The following GABBR2 variants were observed in gnomAD, a reference collection of about 807,000 sequenced individuals.
GABBR2 encodes the protein G-protein coupled receptor 51.
GABBR2 carries 23 observed loss-of-function variants against 105.6 expected under a neutral mutation model. The ratio of observed to expected loss-of-function variants is 0.22; its 90% CI spans 0.16 to 0.31. The LOEUF is 0.31. GABBR2 is among the 10% of genes least tolerant of loss of function. The pLI, the probability that GABBR2 is intolerant of heterozygous loss-of-function variation, is 1.00. For missense variants in GABBR2, 734 were observed against 1,245.5 expected, an observed-to-expected ratio of 0.59 and a Z score of 6.18; for synonymous variants, 478 against 499.7, an observed-to-expected ratio of 0.96 and a Z score of 0.58.
intron 7 of GABBR2, among the ~76,000 whole-genome samples, chr9:98,429,121 GGTGTGT>G (rs56248488): frequency 3.8e-4 from 55 of 145,580 alleles, no homozygotes; most frequent in East Asian, 1.0e-3. Flanking sequence ...CCAGGTTTTT[GGTGTGT>G]GTGTGTGTGT....
At chr9:98,579,664 T>G (rs1031245304) in intron 1 of GABBR2, among the ~76,000 whole-genome samples, 4 of 152,192 alleles carry the variant, frequency 2.6e-5, no homozygotes, top group Non-Finnish European at 5.9e-5. Context: ...CATGTCAAAG[T>G]TTTATTTAAC....
chr9:98,700,319 T>A (rs1830813635), intron 1 of GABBR2, among the ~76,000 whole-genome samples: 1 of 152,112 alleles, frequency 6.6e-6, no homozygotes, highest in Admixed American at 6.5e-5. Flanking sequence ...GGAGATGCAA[T>A]CAGCTAATGG....
At chr9:98,618,486 A>ATATCTCTCTCTCTCTCTC in intron 1 of GABBR2, among the ~76,000 whole-genome samples, 2 of 145,182 alleles carry the variant, frequency 1.4e-5, no homozygotes, top group South Asian at 4.5e-4. Context: ...GGTCTGCTGC[A>ATATCTCTCTCTCTCTCTC]TCTCTCTCTC....
At chr9:98,552,718 A>T (rs1483871273) in intron 2 of GABBR2, among the ~76,000 whole-genome samples, 1 of 152,214 alleles carries the variant, frequency 6.6e-6, no homozygotes, top group Non-Finnish European at 1.5e-5. Context: ...TATCGTGCAT[A>T]GACTGGCTGT....
intron 1 of GABBR2, among the ~76,000 whole-genome samples, chr9:98,674,387 A>G (rs1830448203): frequency 6.6e-6 from 1 of 152,070 alleles, no homozygotes. Flanking sequence ...GTGCCATAGG[A>G]TCCTTCACCT....
chr9:98,391,067 C>G (rs993298271), intron 9 of GABBR2, among the ~76,000 whole-genome samples: 1 of 152,144 alleles, frequency 6.6e-6, no homozygotes, highest in African/African-American at 2.4e-5. Context: ...CATTGCCATT[C>G]ACTCATTCAT....
intron 3 of GABBR2, among the ~76,000 whole-genome samples, chr9:98,506,894 C>T (rs1827524097): frequency 6.6e-6 from 1 of 152,186 alleles, no homozygotes. Context: ...GCTGTCAGCA[C>T]TATCACTGCA....
intron 1 of GABBR2, among the ~76,000 whole-genome samples, chr9:98,648,116 T>TGTGTGTGTGTGTGTAG: frequency 1.8e-5 from 1 of 55,948 alleles, no homozygotes; most frequent in Non-Finnish European, 3.4e-5. Flanking sequence ...TGTGTGTGTG[T>TGTGTGTGTGTGTGTAG]ATAGATAGAT....
intron 3 of GABBR2, among the ~76,000 whole-genome samples, chr9:98,536,442 G>A (rs1324096800): frequency 2.0e-5 from 3 of 152,164 alleles, no homozygotes; most frequent in Non-Finnish European, 4.4e-5. Context: ...TGGTGAGGAT[G>A]GTTGGGTAGA....
At chr9:98,469,610 A>G (rs2779531) in intron 6 of GABBR2, among the ~76,000 whole-genome samples, 99,383 of 152,092 alleles carry the variant, frequency 0.65, 34,839 homozygotes, top group Non-Finnish European at 0.77. Context: ...AATCCAGGAA[A>G]TCTTATCCTG....
rs769249007 is a variant in GABBR2, at chr9:98,496,399, C to T, written c.732+14G>A. 5.9e-6 allele frequency: 9 copies of T among 1,534,848 alleles called. No homozygotes were observed. The highest frequency in any genetic ancestry group is 8.1e-6 in the Non-Finnish European group (9 of 1,107,948). ...GATCAGTCTGCCATTCACCCTGTGG[C>T]TAGCCACACCTACCTTCAGCTTTTT... is the stretch of plus-strand genomic sequence containing the variant. On this transcript the variant is annotated intron_variant, in intron 4 of 18. Transcript: ENST00000259455.
chr9:98,365,705 T>C (rs1831663815), intron 12 of GABBR2, among the ~76,000 whole-genome samples: 1 of 152,194 alleles, frequency 6.6e-6, no homozygotes, highest in African/African-American at 2.4e-5. Context: ...GAAACATGCA[T>C]GTTTGTGGGG....
chr9:98,358,142 T>G (rs1390608266), intron 13 of GABBR2, among the ~76,000 whole-genome samples: 4 of 152,342 alleles, frequency 2.6e-5, no homozygotes, highest in African/African-American at 7.2e-5. Flanking sequence ...TATCAGTTTT[T>G]GGCTGTTATA....
At chr9:98,478,127 C>T (rs1008998873) in intron 5 of GABBR2, among the ~76,000 whole-genome samples, 2 of 152,216 alleles carry the variant, frequency 1.3e-5, no homozygotes, top group Admixed American at 6.5e-5. Flanking sequence ...ATAGGCCTTG[C>T]ATTTGCTGGA....
At chr9:98,464,591 G>A (rs910502301) in intron 6 of GABBR2, among the ~76,000 whole-genome samples, 33 of 152,206 alleles carry the variant, frequency 2.2e-4, no homozygotes, top group African/African-American at 7.0e-4. Context: ...AAGCCGCCCC[G>A]TCTGGGAAGT....
At chr9:98,602,931 C>A (rs1829362488) in intron 1 of GABBR2, among the ~76,000 whole-genome samples, 1 of 152,152 alleles carries the variant, frequency 6.6e-6, no homozygotes. Context: ...TTAGGCAAGT[C>A]ACTTTGCTTC....
chr9:98,309,136 G>C (rs1317608688), intron 14 of GABBR2, among the ~76,000 whole-genome samples: 1 of 152,222 alleles, frequency 6.6e-6, no homozygotes, highest in Non-Finnish European at 1.5e-5. Context: ...GCTGGGGACA[G>C]TTCCTTGCAT....
At chr9:98,629,822 T>C (rs1271052472) in intron 1 of GABBR2, among the ~76,000 whole-genome samples, 1 of 152,026 alleles carries the variant, frequency 6.6e-6, no homozygotes, top group Non-Finnish European at 1.5e-5. Flanking sequence ...TTAAAGAGAG[T>C]TGCATTATGA....
intron 13 of GABBR2, among the ~76,000 whole-genome samples, chr9:98,337,532 A>G (rs1577719): frequency 0.53 from 80,796 of 152,080 alleles, 21,889 homozygotes; most frequent in African/African-American, 0.64. Context: ...AGCTAAAACA[A>G]TCTTGCAAGA....
Sources: allele counts gnomAD v4.1 joint callset (sites outside exome capture counted in the v4.1 genomes callset), GRCh38; gene constraint gnomAD v4.1.1; transcripts MANE v1.5; gene names NCBI Gene and HGNC (gene_info 2026-07-23, HGNC 2026-07-21).